The following APC variants were observed in gnomAD, a reference collection of about 807,000 sequenced individuals.
APC encodes APC regulator of Wnt signaling pathway.
A neutral mutation model predicts 247.0 loss-of-function variants in APC; 72 were observed. The ratio of observed to expected loss-of-function variants is 0.29; its 90% CI spans 0.24 to 0.35. APC has a LOEUF of 0.35. Among genes scored for constraint, APC ranks in the 10% least tolerant of loss-of-function variants. The probability of loss-of-function intolerance (pLI) is 1.00; values close to 1 mark genes in which losing one functional copy is unlikely to be tolerated. For missense variants in APC, 3,400 were observed against 3,360.7 expected (o/e 1.01, Z -0.29); for synonymous variants, 1,254 against 1,162.5 (o/e 1.08, Z -1.60).
chr5:112,716,784 C>A (rs1751195625), intron 1 of APC, among the ~76,000 whole-genome samples: 1 of 152,144 alleles, frequency 6.6e-6, no homozygotes. Flanking sequence ...CAAGTTTCCT[C>A]TTTTATTCTG....
intron 1 of APC, among the ~76,000 whole-genome samples, chr5:112,753,381 A>C (rs1394784859): frequency 1.3e-5 from 2 of 152,212 alleles, no homozygotes; most frequent in African/African-American, 4.8e-5. Context: ...TATTTTCATA[A>C]TATAACTTAC....
chr5:112,826,222 G>A (rs112077048), intron 11 of APC, among the ~76,000 whole-genome samples: 1 of 152,094 alleles, frequency 6.6e-6, no homozygotes, highest in Non-Finnish European at 1.5e-5. Context: ...AGAATTGCCT[G>A]TTTATATTCA....
intron 9 of APC, among the ~76,000 whole-genome samples, chr5:112,816,856 T>G (rs969108508): frequency 6.6e-6 from 1 of 151,894 alleles, no homozygotes; most frequent in Admixed American, 6.6e-5. Flanking sequence ...GATTTGATTT[T>G]ATTTTTATTT....
In APC at chr5:112,841,185, C is replaced by T. The variant is rs1359257049; in HGVS notation, c.5591C>T (p.Ser1864Phe). The change falls in exon 16 of 16, where the codon TCT (serine) becomes TTT (phenylalanine). Residue 1864 changes from serine (S) to phenylalanine (F), a missense_variant. By Grantham distance (155) the Ser-to-Phe change is radical. Around this residue, in one of 9 missense-constraint regions of APC, gnomAD observed 1,788 missense variants for 1,649.5 expected, o/e 1.08. Transcript: ENST00000257430. This position sits in a 1 kb window ranked among gnomAD's most constrained non-coding sequence, Gnocchi z 4.6. ...YCFSRNDSLS[S>F]LDFDDDDVDL... ...TTTTCACGAAATGATTCTTTGAGTT[C>T]TCTAGATTTTGATGATGATGATGTT... 6.2e-7 allele frequency: 1 copy of T among 1,613,720 alleles called. No individual in the cohort carries two copies. Among genetic ancestry groups the T allele is most frequent in the Non-Finnish European group, 8.5e-7 (1 of 1,179,870 alleles).
chr5:112,841,677 G>C lies in APC; in HGVS notation c.6083G>C (p.Ser2028Thr), dbSNP rs1766129324. 6.2e-7 allele frequency: 1 copy of C among 1,613,894 alleles called. No individual in the cohort carries two copies. The highest frequency in any genetic ancestry group is 8.5e-7 in the Non-Finnish European group (1 of 1,179,800). Reference protein sequence around the residue: ...PVCFSRNSSLSSLSIDSEDDL... With the variant: ...PVCFSRNSSLTSLSIDSEDDL... ...TGTTTCTCAAGAAACAGTTCTCTCA[G>C]TTCTCTTAGTATTGACTCTGAAGAT... is the stretch of plus-strand genomic sequence containing the variant. The change falls in exon 16 of 16, where the codon AGT (serine) becomes ACT (threonine). Residue 2028 changes from serine to threonine, a missense_variant. Ser to Thr is a moderately conservative substitution (Grantham distance 58, BLOSUM62 1). Coordinates refer to ENST00000257430, the MANE Select transcript of APC (RefSeq NM_000038.6). The surrounding 1 kb of genome is among the most constrained non-coding windows in gnomAD (Gnocchi z 4.6).
Position 112,781,669 on chromosome 5 carries a change from CAT to C in APC, c.645+769_645+770del, listed in dbSNP as rs536873577. 1.8e-4 allele frequency among the ~76,000 whole-genome samples: 27 copies of C among 152,178 alleles called. No homozygotes were observed. The South Asian group carries it at 5.0e-3, about 28-fold the overall frequency. ...CACATACATTTTGTATTCTATAAAA[CAT>C]ATTAAATAGTTTTAAAATGGCTACT... is the stretch of plus-strand genomic sequence containing the variant. On this transcript the variant is annotated intron_variant, in intron 6 of 15. Coordinates refer to ENST00000257430, the MANE Select transcript of APC (RefSeq NM_000038.6).
intron 6 of APC, among the ~76,000 whole-genome samples, chr5:112,789,540 G>A (rs537570303): frequency 3.3e-5 from 5 of 152,202 alleles, no homozygotes; most frequent in East Asian, 3.9e-4. Context: ...AGTGTAAAAC[G>A]GAGAGGAGTG....
At chr5:112,779,781 A>G (rs1332569793) in intron 5 of APC, among the ~76,000 whole-genome samples, 3 of 152,198 alleles carry the variant, frequency 2.0e-5, no homozygotes, top group Non-Finnish European at 4.4e-5. Flanking sequence ...ATTGCAACCC[A>G]TAATTTGGGT....
At chr5:112,827,728 CAAAG>C (rs942350502) in intron 12 of APC, among the ~76,000 whole-genome samples, 197 bp from the exon 13 acceptor site, 15 of 152,236 alleles carry the variant, frequency 9.9e-5, no homozygotes, top group African/African-American at 3.6e-4. Context: ...TCTAGTTTGA[CAAAG>C]GAAGAACAGA....
rs773400235 is a variant in APC, at chr5:112,828,014, T to C, written c.1626+8T>C. The stretch of plus-strand genomic sequence containing the variant: ...AGTGAAGACTTACAGCAGGTACTAT[T>C]TAGAATTTCACCTGTTTTTCTTTTT... On this transcript the variant is annotated splice_region_variant and intron_variant, in intron 13 of 15. Transcript: ENST00000257430. 1 of 1,610,430 alleles carries C rather than the reference T, an allele frequency of 6.2e-7. No individual in the cohort carries two copies. Among genetic ancestry groups the C allele is most frequent in the South Asian group, 1.1e-5 (1 of 90,924 alleles).
At chr5:112,788,162 C>G (rs142370650) in intron 6 of APC, among the ~76,000 whole-genome samples, 63 of 152,232 alleles carry the variant, frequency 4.1e-4, no homozygotes, top group African/African-American at 1.3e-3. Context: ...TTCTCCATGC[C>G]TGCACTGATA....
chr5:112,799,637 T>G (rs1410678207), intron 7 of APC, among the ~76,000 whole-genome samples: 1 of 152,226 alleles, frequency 6.6e-6, no homozygotes, highest in African/African-American at 2.4e-5. Flanking sequence ...GTATTAATTA[T>G]GTGGGGGCAA....
chr5:112,823,073 G>A (rs935861353), intron 11 of APC, among the ~76,000 whole-genome samples: 2 of 152,074 alleles, frequency 1.3e-5, no homozygotes, highest in East Asian at 1.9e-4. Flanking sequence ...TTCTCCCCTC[G>A]TTAATACAAT....
chr5:112,744,790 T>C (rs2149703827), intron 1 of APC, among the ~76,000 whole-genome samples: 1 of 152,316 alleles, frequency 6.6e-6, no homozygotes, highest in South Asian at 2.1e-4. Context: ...GTTTTGAAGG[T>C]AGACTATTAT....
intron 2 of APC, among the ~76,000 whole-genome samples, chr5:112,765,086 C>A (rs933666644): frequency 6.6e-6 from 1 of 152,018 alleles, no homozygotes; most frequent in Non-Finnish European, 1.5e-5. Flanking sequence ...AAAAGGAATT[C>A]TGGGGTTTGG....
rs1460074967 is a variant in APC, at chr5:112,844,727, G to A, written c.*601G>A. ...TGGTCACATGATGTGCATAGAGATA[G>A]CTACAGTGTAATAATTTACACTATT... On this transcript the variant is annotated 3_prime_UTR_variant, in exon 16 of 16. Coordinates refer to ENST00000257430, the MANE Select transcript of APC (RefSeq NM_000038.6). 2 of 231,866 alleles carry A rather than the reference G, an allele frequency of 8.6e-6. No homozygotes were observed. The highest frequency in any genetic ancestry group is 8.5e-6 in the Non-Finnish European group (1 of 117,158). The allele number at this position is 231,866 out of a possible 1,614,324, so 14.4% of individuals were successfully genotyped here.
intron 14 of APC, among the ~76,000 whole-genome samples, chr5:112,830,839 T>C (rs1764217281): frequency 1.3e-5 from 2 of 152,194 alleles, no homozygotes; most frequent in South Asian, 4.1e-4. Context: ...ATGATATAAA[T>C]GTTTGTTATC....
At chr5:112,727,874 A>G (rs373368007) in intron 1 of APC, among the ~76,000 whole-genome samples, 1 of 152,062 alleles carries the variant, frequency 6.6e-6, no homozygotes, top group Non-Finnish European at 1.5e-5. Context: ...GTAGAGGTCA[A>G]AGTATTAAAA....
rs765332758 is a variant in APC, at chr5:112,842,086, C to T, written c.6492C>T (p.Gly2164=). 4.3e-6 allele frequency: 7 copies of T among 1,609,992 alleles called. No individual in the cohort carries two copies. The Admixed American group carries it at 1.2e-4, about 27-fold the overall frequency. ...QEEKPFTSNK[G]PRILKPGEKS... is the part of the protein sequence containing the mutation. Reference sequence around the variant, plus strand: ...AAAAACCCTTTACAAGTAATAAAGGCCCACGAATTCTAAAACCAGGGGAGA... The same window carrying T: ...AAAAACCCTTTACAAGTAATAAAGGTCCACGAATTCTAAAACCAGGGGAGA... The change falls in exon 16 of 16, where the codon GGC becomes GGT. Residue 2164 remains glycine (G), a synonymous_variant. Transcript: ENST00000257430.
Sources: gnomAD v4.1 joint callset for allele counts (sites outside exome capture counted in the v4.1 genomes callset) on GRCh38, gnomAD v4.1.1 for gene constraint, gnomAD v4.1.1 regional missense constraint, Gnocchi (gnomAD v3.1) non-coding constraint, MANE v1.5 for transcripts, NCBI Gene and HGNC (gene_info 2026-07-23, HGNC 2026-07-21) for gene names.